The following DMD variants were observed in gnomAD, a reference collection of about 807,000 sequenced individuals.
DMD encodes the protein dystrophin, also known as mutant dystrophin.
DMD carries 63 observed loss-of-function variants against 330.1 expected under a neutral mutation model. The ratio of observed to expected loss-of-function variants is 0.19; its 90% CI spans 0.16 to 0.24. The LOEUF (loss-of-function observed/expected upper bound fraction) is 0.24, where lower values mean the gene tolerates loss of function less well. Ranked by LOEUF, DMD falls within the 10% of genes least tolerant of loss-of-function variation. The pLI is 1.00. For missense variants in DMD, 3,344 were observed against 2,684.1 expected (o/e 1.25, Z -5.43); for synonymous variants, 1,223 against 959.8 (o/e 1.27, Z -5.07).
intron 18 of DMD, among the ~76,000 whole-genome samples, chrX:32,507,006 G>A (rs1418568032): frequency 9.0e-6 from 1 of 111,381 alleles, no homozygotes; most frequent in African/African-American, 3.3e-5. Context: ...AGCAGCTTAT[G>A]GCATACTTGT....
intron 63 of DMD, among the ~76,000 whole-genome samples, chrX:31,260,139 G>T (rs2050366161): frequency 9.0e-6 from 1 of 111,635 alleles, no homozygotes; most frequent in Admixed American, 9.5e-5. Flanking sequence ...TACTCAGGAG[G>T]CTGAGGCAGA....
At chrX:32,460,322 G>A (rs1317984834) in intron 25 of DMD, among the ~76,000 whole-genome samples, 2 of 109,829 alleles carry the variant, frequency 1.8e-5, no homozygotes, top group Non-Finnish European at 3.8e-5. Flanking sequence ...AGGTTCCTCA[G>A]AAAACTACAA....
chrX:32,054,872 G>A (rs1375890471), intron 44 of DMD, among the ~76,000 whole-genome samples: 1 of 86,222 alleles, frequency 1.2e-5, no homozygotes, highest in Non-Finnish European at 2.3e-5. Context: ...GGGAAGGGAA[G>A]GGGAGGGGAG....
intron 2 of DMD, among the ~76,000 whole-genome samples, chrX:33,014,855 T>C (rs953444059): frequency 8.9e-6 from 1 of 112,091 alleles, no homozygotes; most frequent in Non-Finnish European, 1.9e-5. Context: ...TGCCCTTTTA[T>C]TATATGTTTT....
At chrX:31,700,331 C>T (rs2083727098) in intron 52 of DMD, among the ~76,000 whole-genome samples, 1 of 111,971 alleles carries the variant, frequency 8.9e-6, no homozygotes, top group Non-Finnish European at 1.9e-5. Context: ...AGAACTTATA[C>T]GAGTGGAAAT....
intron 7 of DMD, among the ~76,000 whole-genome samples, chrX:32,743,442 G>T (rs754520565): frequency 4.7e-4 from 52 of 111,080 alleles, no homozygotes; most frequent in African/African-American, 1.6e-3. Context: ...TAAAGACAGG[G>T]TAAATTTAAA....
At chrX:33,282,693 G>C (rs1433163527) in intron 1 of DMD, among the ~76,000 whole-genome samples, 1 of 112,004 alleles carries the variant, frequency 8.9e-6, no homozygotes, top group Non-Finnish European at 1.9e-5. Flanking sequence ...TACCCTAGCT[G>C]CTTAATGTTA....
rs771315401 is a variant in DMD at position 32,972,187 on chromosome X, GT to G, written c.93+47951del. 5.1e-4 allele frequency among the ~76,000 whole-genome samples: 56 copies of G among 110,153 alleles called. 2 individuals are homozygous for G. The East Asian group carries it at 5.5e-3, about 11-fold the overall frequency. On this transcript the variant is annotated intron_variant, in intron 2 of 78. Transcript: ENST00000357033. Reference sequence around the variant, plus strand: ...GTATGACTCGCTTATAATTTTTTTGGTTTTTTTTAAGATAGGGTCTTGCTCT... The same window carrying G: ...GTATGACTCGCTTATAATTTTTTTGGTTTTTTTAAGATAGGGTCTTGCTCT...
intron 9 of DMD, among the ~76,000 whole-genome samples, chrX:32,677,415 AAAAG>A (rs1474397170): frequency 7.2e-5 from 8 of 111,710 alleles, no homozygotes; most frequent in African/African-American, 2.6e-4. Flanking sequence ...TTCATTAACA[AAAAG>A]AAATACAAGA....
chrX:33,168,421 T>C (rs932172183), intron 1 of DMD, among the ~76,000 whole-genome samples: 1 of 110,266 alleles, frequency 9.1e-6, no homozygotes, highest in Non-Finnish European at 1.9e-5. Context: ...TTATTAGCCA[T>C]ACTCTGAAAG....
intron 1 of DMD, among the ~76,000 whole-genome samples, chrX:33,061,396 G>A (rs1326778890): frequency 8.9e-6 from 1 of 111,930 alleles, no homozygotes; most frequent in Non-Finnish European, 1.9e-5. Context: ...AACATTCAAA[G>A]TGATGAGCTT....
chrX:32,839,812 G>A (rs1320079290), intron 4 of DMD, among the ~76,000 whole-genome samples: 1 of 110,461 alleles, frequency 9.1e-6, no homozygotes, highest in Non-Finnish European at 1.9e-5. Flanking sequence ...CCAGGTTCAC[G>A]TGATTCTCCT....
intron 55 of DMD, among the ~76,000 whole-genome samples, chrX:31,509,514 C>A (rs1159313665): frequency 1.8e-5 from 2 of 111,761 alleles, no homozygotes; most frequent in Non-Finnish European, 3.8e-5. Flanking sequence ...CTAGTAGCAT[C>A]AGTTTTCTAT....
chrX:32,464,636 G>A lies in DMD; in HGVS notation c.3226C>T (p.Pro1076Ser), dbSNP rs1422639014. 8.3e-7 allele frequency: 1 copy of A among 1,208,674 alleles called. No homozygotes were observed. Among genetic ancestry groups the A allele is most frequent in the South Asian group, 1.8e-5 (1 of 56,748 alleles). The change falls in exon 24 of 79, where the codon CCT (proline) becomes TCT (serine). Residue 1076 changes from proline to serine, a missense_variant. Coordinates refer to ENST00000357033, the MANE Select transcript of DMD (RefSeq NM_004006.3). ...EVDVFLKEEWPALGDSEILKK... is the reference protein window; with the variant it reads ...EVDVFLKEEWSALGDSEILKK... The stretch of plus-strand genomic sequence containing the variant: ...AGAATTTCTGAATCCCCAAGGGCAG[G>A]CCATTCCTCCTTCAGAAAAACATCA...
chrX:32,783,073 A>G (rs1318571276), intron 7 of DMD, among the ~76,000 whole-genome samples: 1 of 102,958 alleles, frequency 9.7e-6, no homozygotes, highest in Non-Finnish European at 2.0e-5. Context: ...TGGTGTATAT[A>G]TACACACACA....
chrX:32,417,822 TACACACAC>T (rs397933423), intron 29 of DMD, among the ~76,000 whole-genome samples: 1 of 105,339 alleles, frequency 9.5e-6, no homozygotes, highest in Non-Finnish European at 2.0e-5. Context: ...GTATCTCTGT[TACACACAC>T]ACACACACAC....
At chrX:32,684,864 G>A (rs758024938) in intron 9 of DMD, among the ~76,000 whole-genome samples, 3 of 110,565 alleles carry the variant, frequency 2.7e-5, no homozygotes, top group South Asian at 3.8e-4. Flanking sequence ...TCAATCCTTC[G>A]TATGTTATAA....
intron 52 of DMD, among the ~76,000 whole-genome samples, chrX:31,713,064 C>G (rs746410329): frequency 2.7e-5 from 3 of 111,299 alleles, no homozygotes; most frequent in Non-Finnish European, 3.8e-5. Flanking sequence ...TGCTATTTCT[C>G]ACCCTAACAA....
At chrX:32,617,219 T>TA (rs1028582398) in intron 11 of DMD, among the ~76,000 whole-genome samples, 21 of 109,979 alleles carry the variant, frequency 1.9e-4, no homozygotes, top group Non-Finnish European at 3.4e-4. Context: ...TGTTAACCAA[T>TA]AAAAAAAACA....
Sources: allele counts gnomAD v4.1 joint callset (sites outside exome capture counted in the v4.1 genomes callset), GRCh38; gene constraint gnomAD v4.1.1; transcripts MANE v1.5; gene names NCBI Gene and HGNC (gene_info 2026-07-23, HGNC 2026-07-21).